IARS2: variants seen among roughly 807,000 people sequenced by gnomAD.
IARS2 encodes isoleucyl-tRNA synthetase 2, mitochondrial.
A neutral mutation model predicts 126.3 loss-of-function variants in IARS2; 56 were observed. That is an observed-to-expected ratio of 0.44 (90% confidence interval 0.36 to 0.55). IARS2 has a LOEUF of 0.55. Ranked by LOEUF, IARS2 falls within the 20% of genes least tolerant of loss-of-function variation. IARS2 has a pLI of 0.00. For synonymous variants in IARS2, 407 were observed against 441.1 expected, an observed-to-expected ratio of 0.92 and a Z score of 0.97; for missense variants, 1,127 against 1,245.9, an observed-to-expected ratio of 0.90 and a Z score of 1.44.
chr1:220,102,185 G>A lies in IARS2; in HGVS notation c.607G>A (p.Gly203Arg), dbSNP rs1428331445. The A allele has an allele frequency of 6.2e-7, 1 of 1,611,368 alleles. No individual in the cohort carries two copies. The highest frequency in any genetic ancestry group is 1.7e-5 in the Admixed American group (1 of 59,572). Residue 203 changes from glycine to arginine, a missense_variant, in exon 4 of 23, where the codon GGA becomes AGA. Transcript: ENST00000366922. ...ACAGAAATCAGCATTTATTCGTTGG[G>A]GAATAATGGCAGATTGGAATAATTG... Reference protein sequence around the residue: ...EKQKSAFIRWGIMADWNNCYY... With the variant: ...EKQKSAFIRWRIMADWNNCYY...
intron 3 of IARS2, 37 bp downstream of exon 3, chr1:220,100,686 G>T: frequency 6.6e-7 from 1 of 1,510,412 alleles, no homozygotes; most frequent in Non-Finnish European, 9.1e-7. Flanking sequence ...AATGATATTT[G>T]TAAACACTCA....
chr1:220,095,300 A>G (rs1278291495), intron 1 of IARS2, among the ~76,000 whole-genome samples: 1 of 152,124 alleles, frequency 6.6e-6, no homozygotes, highest in Admixed American at 6.5e-5. Flanking sequence ...CGGCCTCCCA[A>G]AGTGCTGGGA....
intron 12 of IARS2, among the ~76,000 whole-genome samples, chr1:220,114,731 A>G: frequency 6.6e-6 from 1 of 151,972 alleles, no homozygotes; most frequent in East Asian, 1.9e-4. Context: ...GGGCTGTATT[A>G]AGGTATCATG....
chr1:220,106,124 C>A (rs1656675082), intron 9 of IARS2, 64 bp downstream of exon 9: 2 of 1,346,758 alleles, frequency 1.5e-6, no homozygotes, highest in East Asian at 2.4e-5. Context: ...TAAATTCTAA[C>A]CAACATCTTC....
At chr1:220,119,505 T>A (rs1656994604) in intron 12 of IARS2, among the ~76,000 whole-genome samples, 1 of 152,106 alleles carries the variant, frequency 6.6e-6, no homozygotes, top group South Asian at 2.1e-4. Flanking sequence ...TTCCTGCATT[T>A]TTTTCTGAAG....
intron 18 of IARS2, among the ~76,000 whole-genome samples, chr1:220,139,447 C>T (rs1412128042): frequency 1.3e-5 from 2 of 152,166 alleles, no homozygotes; most frequent in Non-Finnish European, 2.9e-5. Context: ...TTCATATAGA[C>T]TTAAATAATT....
intron 13 of IARS2, among the ~76,000 whole-genome samples, chr1:220,125,753 A>C (rs927808783): frequency 1.3e-5 from 2 of 151,642 alleles, no homozygotes; most frequent in Non-Finnish European, 2.9e-5. Flanking sequence ...CAGCGAGCCA[A>C]GATTGCACCA....
rs139443640 is a variant in IARS2 at position 220,103,440 on chromosome 1, A to T, written c.951-7A>T. The T allele has an allele frequency of 2.0e-5, 29 of 1,472,796 alleles. No homozygotes were observed. Among genetic ancestry groups the T allele is most frequent in the Non-Finnish European group, 2.6e-5 (28 of 1,061,952 alleles). The allele number at this position is 1,472,796 out of a possible 1,614,324, so 91.2% of individuals were successfully genotyped here. ...TATTAGTAATTTCTCCTAAAATTTT[A>T]TGTTAGGTATGCTGTTGTGAAATGT... is the stretch of plus-strand genomic sequence containing the variant. On this transcript the variant is annotated splice_polypyrimidine_tract_variant and splice_region_variant and intron_variant, in intron 7 of 22. Coordinates refer to ENST00000366922, the MANE Select transcript of IARS2 (RefSeq NM_018060.4).
rs767114976 is a variant in IARS2 at position 220,137,898 on chromosome 1, A to AT, written c.2050-13dup. The stretch of plus-strand genomic sequence containing the variant: ...GAATTGAAAGCCATTGTGTTTATAT[A>AT]TTTTTTTCTCAATGAAAAGGATCAA... On this transcript the variant is annotated intron_variant, in intron 16 of 22. Transcript: ENST00000366922. 2 of 1,613,180 alleles carry AT rather than the reference A, an allele frequency of 1.2e-6. No individual in the cohort carries two copies. Among genetic ancestry groups the AT allele is most frequent in the Admixed American group, 1.7e-5 (1 of 59,852 alleles).
chr1:220,131,199 CAG>C (rs1291564941), intron 14 of IARS2, among the ~76,000 whole-genome samples: 3 of 152,012 alleles, frequency 2.0e-5, no homozygotes. Context: ...TTATTTGAGA[CAG>C]AGTCTCGCTG....
intron 19 of IARS2, 40 bp from the exon 20 acceptor site, chr1:220,141,763 T>A (rs759561669): frequency 6.2e-7 from 1 of 1,606,820 alleles, no homozygotes; most frequent in Non-Finnish European, 8.5e-7. Flanking sequence ...CCATAATGTA[T>A]AAAGTATTGT....
intron 2 of IARS2, among the ~76,000 whole-genome samples, chr1:220,099,373 C>T (rs573480509): frequency 7.2e-4 from 110 of 152,172 alleles, no homozygotes; most frequent in Non-Finnish European, 9.6e-4. Flanking sequence ...AGTATCATTT[C>T]AACATACAGT....
At chr1:220,146,302 G>A (rs1657586390) in intron 22 of IARS2, among the ~76,000 whole-genome samples, 3 of 152,142 alleles carry the variant, frequency 2.0e-5, no homozygotes, top group East Asian at 3.9e-4. Context: ...GGATCGTGAG[G>A]TCAGGAGATT....
intron 12 of IARS2, among the ~76,000 whole-genome samples, chr1:220,121,100 GAA>G (rs755803134): frequency 1.2e-4 from 18 of 152,060 alleles, no homozygotes; most frequent in African/African-American, 4.3e-4. Context: ...ATGTAACAAG[GAA>G]AAAAATCTGA....
At chr1:220,137,012 T>C (rs2102838780) in intron 16 of IARS2, 101 bp downstream of exon 16, 1 of 622,690 alleles carries the variant, frequency 1.6e-6, no homozygotes, top group East Asian at 2.9e-5. Context: ...ATAAAAACTA[T>C]CTTTTATACT....
Position 220,096,178 on chromosome 1 carries a change from ACCT to A in IARS2, c.346_348del (p.Pro116del). 2 of 1,600,828 alleles carry A rather than the reference ACCT, an allele frequency of 1.2e-6. No individual in the cohort carries two copies. The highest frequency in any genetic ancestry group is 1.7e-6 in the Non-Finnish European group (2 of 1,170,486). ...AGACAGAATTTTGCCTTCATGATGG[ACCT>A]CCTTATGCAAACGGTGACCCTCATG... is the stretch of plus-strand genomic sequence containing the variant. On this transcript the variant is annotated inframe_deletion, in exon 2 of 23. Transcript: ENST00000366922.
rs1353999893 is a variant in IARS2, at chr1:220,134,422, T to A, written c.1858T>A (p.Leu620Met). 1 of 1,609,752 alleles carries A rather than the reference T, an allele frequency of 6.2e-7. No individual in the cohort carries two copies. Among genetic ancestry groups the A allele is most frequent in the Non-Finnish European group, 8.5e-7 (1 of 1,178,276 alleles). ...VLPGPDQRAD[L>M]YLEGKDQLGG... is the part of the protein sequence containing the mutation. ...TTGAGGTCCTGACCAAAGAGCAGAT[T>A]TGTACTTGGAAGGAAAAGACCAGCT... Residue 620 changes from leucine (L) to methionine (M), a missense_variant, in exon 15 of 23, where the codon TTG (leucine) becomes ATG (methionine). Coordinates refer to ENST00000366922, the MANE Select transcript of IARS2 (RefSeq NM_018060.4).
intron 21 of IARS2, 32 bp downstream of exon 21, chr1:220,143,166 G>C: frequency 6.5e-7 from 1 of 1,529,288 alleles, no homozygotes; most frequent in Admixed American, 1.7e-5. Flanking sequence ...TTGAAATGGT[G>C]TTAGTATCAT....
At chr1:220,103,692 A>G (rs1469361868) in intron 8 of IARS2, 130 bp downstream of exon 8, 16 of 583,238 alleles carry the variant, frequency 2.7e-5, no homozygotes. Context: ...TACATTTTAC[A>G]TTGATTACAC....
Sources: allele counts gnomAD v4.1 joint callset (sites outside exome capture counted in the v4.1 genomes callset), GRCh38; gene constraint gnomAD v4.1.1; transcripts MANE v1.5; gene names NCBI Gene and HGNC (gene_info 2026-07-23, HGNC 2026-07-21).